Variants in SESTD1 observed in about 807,000 individuals in gnomAD.
SESTD1 encodes the protein SEC14 and spectrin domain containing 1, also known as SEC14 domain and spectrin repeat-containing protein 1.
A neutral mutation model predicts 101.7 loss-of-function variants in SESTD1; 43 were observed. That is an observed-to-expected ratio of 0.42 (90% CI 0.33 to 0.55). The LOEUF is 0.55. Ranked by LOEUF, SESTD1 falls within the 20% of genes least tolerant of loss-of-function variation. SESTD1 has a pLI of 0.07. For synonymous variants in SESTD1, 283 were observed against 286.8 expected (o/e 0.99, Z 0.13); for missense variants, 647 against 815.1 (o/e 0.79, Z 2.51).
intron 10 of SESTD1, among the ~76,000 whole-genome samples, chr2:179,128,333 T>C (rs1303793008): frequency 1.3e-5 from 2 of 152,186 alleles, no homozygotes; most frequent in South Asian, 2.1e-4. Flanking sequence ...CCGATTGAGG[T>C]TGCCATAAAG....
intron 5 of SESTD1, among the ~76,000 whole-genome samples, chr2:179,155,664 C>G (rs1380710304): frequency 6.6e-6 from 1 of 151,806 alleles, no homozygotes; most frequent in Non-Finnish European, 1.5e-5. Flanking sequence ...TCAATTGCAT[C>G]TTATTTAACG....
rs988092977 is a variant in SESTD1 at position 179,213,114 on chromosome 2, C to G, written c.-25-21248G>C. ...TCCTACAAAGGATCACAGCTCCTAGCCAGCAAAGGAACAAAGCTGGATGGA... is the reference window on the plus strand; with the variant it reads ...TCCTACAAAGGATCACAGCTCCTAGGCAGCAAAGGAACAAAGCTGGATGGA... On this transcript the variant is annotated intron_variant, in intron 1 of 17. Transcript: ENST00000428443. Among the ~76,000 whole-genome samples the G allele has an allele frequency of 1.3e-4, 17 of 134,856 alleles. 6 individuals are homozygous for G. The highest frequency in any genetic ancestry group is 5.0e-4 in the African/African-American group (17 of 34,094). The allele number at this position is 134,856 out of a possible 152,430, so 88.5% of individuals were successfully genotyped here.
intron 1 of SESTD1, among the ~76,000 whole-genome samples, chr2:179,194,789 C>G (rs562182316): frequency 1.3e-5 from 2 of 152,256 alleles, no homozygotes; most frequent in South Asian, 4.1e-4. Flanking sequence ...AAACCCAGCC[C>G]TATTTTATAC....
At chr2:179,185,191 T>C (rs1404853753) in intron 2 of SESTD1, among the ~76,000 whole-genome samples, 1 of 151,666 alleles carries the variant, frequency 6.6e-6, no homozygotes, top group Non-Finnish European at 1.5e-5. Flanking sequence ...CCACTTCTAC[T>C]CATAAAAATG....
At chr2:179,133,901 G>GA (rs1267816835) in intron 9 of SESTD1, among the ~76,000 whole-genome samples, 14 of 151,382 alleles carry the variant, frequency 9.2e-5, no homozygotes, top group Admixed American at 2.0e-4. Context: ...AATATATTTG[G>GA]GAAAAAAAAT....
intron 12 of SESTD1, among the ~76,000 whole-genome samples, chr2:179,123,002 G>A (rs2044787616): frequency 6.6e-6 from 1 of 152,162 alleles, no homozygotes; most frequent in African/African-American, 2.4e-5. Context: ...TTAGTCATGT[G>A]CAACCACTTT....
At position 179,105,139 on chromosome 2, in the gene SESTD1, T is replaced by C. The variant is rs1034684384; in HGVS notation, c.*4760A>G. The C allele has an allele frequency of 2.0e-5, 3 of 151,846 alleles. No individual in the cohort carries two copies. The highest frequency in any genetic ancestry group is 2.9e-5 in the Non-Finnish European group (2 of 67,984). 9.4% of individuals were successfully genotyped at this position (151,846 alleles called of 1,614,324 possible). ...CCAAGAGACTGCTCCTCTCTAAGCA[T>C]AGCCAGCACTAATTGTGGTCTTTTC... On this transcript the variant is annotated 3_prime_UTR_variant, in exon 18 of 18. Coordinates refer to ENST00000428443, the MANE Select transcript of SESTD1 (RefSeq NM_178123.5).
chr2:179,249,212 TA>T lies in SESTD1; in HGVS notation c.-26+15286del, dbSNP rs58597141. On this transcript the variant is annotated intron_variant, in intron 1 of 17. Transcript: ENST00000428443. The stretch of plus-strand genomic sequence containing the variant: ...GAAAGGAAATAAAAGGCATACAGAT[TA>T]AAAAAAAAAAAAAAAAGAAGACTAC... 4.4e-3 allele frequency among the ~76,000 whole-genome samples: 553 copies of T among 125,974 alleles called. 1 individual carries two copies. The highest frequency in any genetic ancestry group is 7.5e-3 in the Admixed American group (95 of 12,594). The allele number at this position is 125,974 out of a possible 152,430, so 82.6% of individuals were successfully genotyped here. A position where few individuals can be genotyped will look rare whatever the true frequency, so the allele number is the denominator to read the frequency against.
At chr2:179,117,499 G>T in intron 14 of SESTD1, 33 bp downstream of exon 14, 1 of 1,521,078 alleles carries the variant, frequency 6.6e-7, no homozygotes, top group Non-Finnish European at 8.8e-7. Flanking sequence ...TCTAAGAAAA[G>T]TTAACTACAT....
Position 179,104,475 on chromosome 2 carries a change from CATAA to C in SESTD1, c.*5420_*5423del, listed in dbSNP as rs1158633827. 6.6e-6 allele frequency: 1 copy of C among 152,082 alleles called. No individual in the cohort carries two copies. Among genetic ancestry groups the C allele is most frequent in the African/African-American group, 2.4e-5 (1 of 41,398 alleles). 9.4% of individuals were successfully genotyped at this position (152,082 alleles called of 1,614,324 possible). ...TAATAGAAAAGAAGTGAGGCTTGGT[CATAA>C]ATAGTGAGTGGTCTACTGTGTTCTG... On this transcript the variant is annotated 3_prime_UTR_variant, in exon 18 of 18. Coordinates refer to ENST00000428443, the MANE Select transcript of SESTD1 (RefSeq NM_178123.5).
chr2:179,151,182 AAAAT>A (rs1322837534), intron 6 of SESTD1, 92 bp downstream of exon 6: 16 of 819,812 alleles, frequency 2.0e-5, no homozygotes, highest in African/African-American at 3.6e-5. Flanking sequence ...TGTAAAAAGA[AAAAT>A]AATCTATATT....
chr2:179,183,804 T>C (rs930714395), intron 2 of SESTD1, among the ~76,000 whole-genome samples: 12 of 138,884 alleles, frequency 8.6e-5, no homozygotes, highest in Admixed American at 5.5e-4. Flanking sequence ...CATAGCAAGA[T>C]TGCATGGAAA....
chr2:179,228,510 C>A (rs904820286), intron 1 of SESTD1, among the ~76,000 whole-genome samples: 1 of 152,160 alleles, frequency 6.6e-6, no homozygotes, highest in African/African-American at 2.4e-5. Context: ...AAGGCACATA[C>A]TGTAGAACTA....
At chr2:179,200,739 A>T (rs1273654650) in intron 1 of SESTD1, among the ~76,000 whole-genome samples, 1 of 136,692 alleles carries the variant, frequency 7.3e-6, no homozygotes, top group African/African-American at 2.9e-5. Context: ...CTGAAACTGG[A>T]TCCCTTCCTT....
chr2:179,217,820 G>A lies in SESTD1; in HGVS notation c.-25-25954C>T, dbSNP rs564870877. Among the ~76,000 whole-genome samples, 12 of 152,318 alleles carry A rather than the reference G, an allele frequency of 7.9e-5. No homozygotes were observed. The South Asian group carries it at 1.9e-3, about 24-fold the overall frequency. On this transcript the variant is annotated intron_variant, in intron 1 of 17. Coordinates refer to ENST00000428443, the MANE Select transcript of SESTD1 (RefSeq NM_178123.5). ...CAGCCATAAAAAAGGATGAGTTCAT[G>A]TCCTTTGCAGAAACATGGATGAAGC...
intron 1 of SESTD1, among the ~76,000 whole-genome samples, chr2:179,209,497 A>G (rs2046625724): frequency 7.4e-6 from 1 of 134,920 alleles, no homozygotes. Context: ...AATACATTTA[A>G]ACAAACTGAA....
chr2:179,216,105 C>T lies in SESTD1; in HGVS notation c.-25-24239G>A, dbSNP rs541284705. Reference sequence around the variant, plus strand: ...ACAAGGATGCCCTCTCTCACCACTCCTATTCAACACAGCGTTGGAAGTTCT... The same window carrying T: ...ACAAGGATGCCCTCTCTCACCACTCTTATTCAACACAGCGTTGGAAGTTCT... On this transcript the variant is annotated intron_variant, in intron 1 of 17. Transcript: ENST00000428443. 8.9e-5 allele frequency among the ~76,000 whole-genome samples: 12 copies of T among 135,262 alleles called. 1 individual carries two copies. Among genetic ancestry groups the T allele is most frequent in the Non-Finnish European group, 1.8e-4 (11 of 62,818 alleles). 88.7% of individuals were successfully genotyped at this position (135,262 alleles called of 152,430 possible).
chr2:179,101,813 C>T lies in SESTD1; in HGVS notation c.*8086G>A, dbSNP rs2044281261. On this transcript the variant is annotated 3_prime_UTR_variant, in exon 18 of 18. Transcript: ENST00000428443. ...GAAAACCTAGAGATGGATGGATACT[C>T]TAACATGTAAAGTAAACATGTCCAT... 6.6e-6 allele frequency: 1 copy of T among 152,232 alleles called. No homozygotes were observed. Among genetic ancestry groups the T allele is most frequent in the East Asian group, 1.9e-4 (1 of 5,180 alleles). 9.4% of individuals were successfully genotyped at this position (152,232 alleles called of 1,614,324 possible). A position where few individuals can be genotyped will look rare whatever the true frequency, so the allele number is the denominator to read the frequency against.
intron 1 of SESTD1, among the ~76,000 whole-genome samples, chr2:179,261,135 T>G (rs2047477075): frequency 6.6e-6 from 1 of 152,244 alleles, no homozygotes; most frequent in African/African-American, 2.4e-5. Flanking sequence ...CTGACTCTGT[T>G]TCCCCATTGG....
Sources: gnomAD v4.1 joint callset for allele counts (sites outside exome capture counted in the v4.1 genomes callset) on GRCh38, gnomAD v4.1.1 for gene constraint, MANE v1.5 for transcripts, NCBI Gene and HGNC (gene_info 2026-07-23, HGNC 2026-07-21) for gene names.